The following MACROD2 variants were observed in gnomAD, a reference collection of about 807,000 sequenced individuals.
MACROD2 encodes ADP-ribose glycohydrolase MACROD2.
A neutral mutation model predicts 70.4 loss-of-function variants in MACROD2; 36 were observed. The observed-to-expected ratio is 0.51, with a 90% CI of 0.39 to 0.68. MACROD2 has a LOEUF of 0.68. MACROD2 is among the 30% of genes least tolerant of loss of function. The probability of loss-of-function intolerance (pLI) is 0.00; values close to 1 mark genes in which losing one functional copy is unlikely to be tolerated. For missense variants in MACROD2, 496 were observed against 538.4 expected (o/e 0.92, Z 0.78); for synonymous variants, 172 against 178.8 (o/e 0.96, Z 0.30).
chr20:14,625,203 T>A (rs1378160447), intron 4 of MACROD2, among the ~76,000 whole-genome samples: 8 of 152,018 alleles, frequency 5.3e-5, no homozygotes, highest in Non-Finnish European at 1.2e-4. Flanking sequence ...GGCAGGCGCC[T>A]GTAATCCCAG....
At chr20:14,329,270 G>A (rs2082791485) in intron 3 of MACROD2, 1 of 151,974 alleles carries the variant, frequency 6.6e-6, no homozygotes, top group Non-Finnish European at 1.5e-5. Context: ...AGAAAAGGAG[G>A]CATACTAAAT....
At chr20:15,176,640 C>G (rs2076464362) in intron 5 of MACROD2, among the ~76,000 whole-genome samples, 1 of 152,128 alleles carries the variant, frequency 6.6e-6, no homozygotes, top group Non-Finnish European at 1.5e-5. Flanking sequence ...CTCAATGGAG[C>G]TCCTCTCCAC....
intron 6 of MACROD2, among the ~76,000 whole-genome samples, chr20:15,342,256 A>G (rs1286439565): frequency 1.3e-5 from 2 of 152,238 alleles, no homozygotes; most frequent in African/African-American, 4.8e-5. Flanking sequence ...CAAGTTGCAC[A>G]GGTATAACTA....
At chr20:16,044,673 T>A (rs770160587) in intron 17 of MACROD2, 34 bp downstream of exon 17, 1 of 1,574,130 alleles carries the variant, frequency 6.4e-7, no homozygotes, top group Non-Finnish European at 8.7e-7. Flanking sequence ...TTTTCAATGA[T>A]CAACCAGCCA....
At chr20:15,048,879 T>A (rs1441103282) in intron 5 of MACROD2, among the ~76,000 whole-genome samples, 4 of 152,198 alleles carry the variant, frequency 2.6e-5, no homozygotes, top group African/African-American at 9.6e-5. Context: ...TAATACATAA[T>A]GTTTTTCAAC....
intron 6 of MACROD2, among the ~76,000 whole-genome samples, chr20:15,404,184 G>GT (rs1413782755): frequency 1.3e-5 from 2 of 152,042 alleles, no homozygotes; most frequent in African/African-American, 2.4e-5. Flanking sequence ...AATAATTCTA[G>GT]TTTTTTTGTT....
intron 3 of MACROD2, among the ~76,000 whole-genome samples, chr20:14,320,130 A>G (rs566743614): frequency 3.3e-5 from 5 of 152,322 alleles, no homozygotes; most frequent in Admixed American, 6.5e-5. Flanking sequence ...TTCAAAGCCA[A>G]CATTTACAAA....
At chr20:14,240,696 G>T (rs1249042184) in intron 3 of MACROD2, among the ~76,000 whole-genome samples, 5 of 152,202 alleles carry the variant, frequency 3.3e-5, no homozygotes, top group Non-Finnish European at 7.3e-5. Context: ...CTTGAGGGCA[G>T]AAGGAGGGAG....
At chr20:15,164,032 G>C (rs1402193598) in intron 5 of MACROD2, among the ~76,000 whole-genome samples, 1 of 151,958 alleles carries the variant, frequency 6.6e-6, no homozygotes, top group Non-Finnish European at 1.5e-5. Context: ...TAGTGTGTCT[G>C]ATGGCAATCA....
In MACROD2 at chr20:14,022,727, G is replaced by A. The variant is rs988377964; in HGVS notation, c.163+20323G>A. ...TTCTGTTCCTGTGTTAGTTTGCCGA[G>A]ATTGATGGTTTCCAGCTTCATCCAT... On this transcript the variant is annotated intron_variant, in intron 2 of 17. Coordinates refer to ENST00000684519, the MANE Select transcript of MACROD2 (RefSeq NM_001351661.2). Among the ~76,000 whole-genome samples, 3 of 152,192 alleles carry A rather than the reference G, an allele frequency of 2.0e-5. No individual in the cohort carries two copies. In the South Asian group the frequency reaches 6.2e-4, roughly 32 times the overall value.
chr20:14,087,590 G>A (rs2054094035), intron 3 of MACROD2, among the ~76,000 whole-genome samples: 1 of 152,068 alleles, frequency 6.6e-6, no homozygotes, highest in Non-Finnish European at 1.5e-5. Flanking sequence ...CACCCAATAT[G>A]ACTCACTCCT....
At position 15,558,259 on chromosome 20, in the gene MACROD2, C is replaced by T. The variant is rs564619263; in HGVS notation, c.645+58412C>T. ...TCAGTGGCCATTCCATTCTGATTAT[C>T]CTGCTGACTTCTTGCCTACTGTGCT... is the stretch of plus-strand genomic sequence containing the variant. On this transcript the variant is annotated intron_variant, in intron 8 of 17. Transcript: ENST00000684519. Among the ~76,000 whole-genome samples the T allele has an allele frequency of 1.8e-4, 27 of 152,304 alleles. No homozygotes were observed. The South Asian group carries it at 5.6e-3, about 32-fold the overall frequency.
intron 5 of MACROD2, among the ~76,000 whole-genome samples, chr20:15,166,430 C>T (rs962654403): frequency 2.0e-5 from 3 of 152,100 alleles, no homozygotes; most frequent in African/African-American, 4.8e-5. Context: ...AGAGGGCCCT[C>T]ACTAGAACCC....
chr20:15,241,211 A>G (rs1340252796), intron 6 of MACROD2, among the ~76,000 whole-genome samples: 3 of 152,224 alleles, frequency 2.0e-5, no homozygotes, highest in African/African-American at 7.2e-5. Flanking sequence ...AGTAGATTAC[A>G]TAGCTTATTA....
chr20:14,992,449 A>G (rs1412576164), intron 5 of MACROD2, among the ~76,000 whole-genome samples: 1 of 152,182 alleles, frequency 6.6e-6, no homozygotes, highest in Non-Finnish European at 1.5e-5. Context: ...TTGTTTTTGC[A>G]TATGGTTCAA....
At chr20:14,541,874 A>T (rs957306860) in intron 4 of MACROD2, among the ~76,000 whole-genome samples, 11 of 152,136 alleles carry the variant, frequency 7.2e-5, no homozygotes. Flanking sequence ...TGATTCTAAG[A>T]CTCATCTGTT....
At chr20:14,472,960 AG>A (rs1189854163) in intron 3 of MACROD2, among the ~76,000 whole-genome samples, 2 of 152,070 alleles carry the variant, frequency 1.3e-5, no homozygotes, top group East Asian at 3.9e-4. Flanking sequence ...GAGGCTGGAG[AG>A]GTAGATTCGG....
chr20:15,802,076 T>G (rs893272052), intron 8 of MACROD2, among the ~76,000 whole-genome samples: 3 of 152,194 alleles, frequency 2.0e-5, no homozygotes, highest in African/African-American at 7.2e-5. Context: ...TGAATTTGAT[T>G]GTCGGATCTC....
chr20:16,050,015 G>T lies in MACROD2; in HGVS notation c.*139G>T. Reference sequence around the variant, plus strand: ...GGAATCCTTTACTCTAATTTCTCCAGCTGCATTTTGTTCCGTTTATCTGCA... The same window carrying T: ...GGAATCCTTTACTCTAATTTCTCCATCTGCATTTTGTTCCGTTTATCTGCA... On this transcript the variant is annotated 3_prime_UTR_variant, in exon 18 of 18. Transcript: ENST00000684519. The T allele has an allele frequency of 1.5e-6, 1 of 654,106 alleles. No individual in the cohort carries two copies. Among genetic ancestry groups the T allele is most frequent in the Non-Finnish European group, 2.4e-6 (1 of 415,722 alleles). The allele number at this position is 654,106 out of a possible 1,614,324, so 40.5% of individuals were successfully genotyped here. A position where few individuals can be genotyped will look rare whatever the true frequency, so the allele number is the denominator to read the frequency against.
Sources: allele counts gnomAD v4.1 joint callset (sites outside exome capture counted in the v4.1 genomes callset), GRCh38; gene constraint gnomAD v4.1.1; transcripts MANE v1.5; gene names NCBI Gene and HGNC (gene_info 2026-07-23, HGNC 2026-07-21).